Variants in SND1 observed in about 807,000 individuals in gnomAD.
The protein encoded by SND1 is staphylococcal nuclease and tudor domain containing 1.
In SND1, 38 loss-of-function variants were observed where a neutral mutation model predicts 121.7. The ratio of observed to expected loss-of-function variants is 0.31; its 90% confidence interval spans 0.24 to 0.41. The LOEUF (loss-of-function observed/expected upper bound fraction) is 0.41. Ranked by LOEUF, SND1 falls within the 10% of genes least tolerant of loss-of-function variation. The pLI is 1.00. For synonymous variants in SND1, 401 were observed against 447.4 expected, an observed-to-expected ratio of 0.90 and a Z score of 1.31; for missense variants, 868 against 1,184.6, an observed-to-expected ratio of 0.73 and a Z score of 3.92.
intron 1 of SND1, among the ~76,000 whole-genome samples, chr7:127,676,347 C>T (rs1795615931): frequency 1.3e-5 from 2 of 152,102 alleles, no homozygotes; most frequent in Non-Finnish European, 1.5e-5. Context: ...AGTCAAGGAT[C>T]TTATGTAATA....
At chr7:128,090,300 C>T (rs939767475) in intron 22 of SND1, among the ~76,000 whole-genome samples, 2 of 152,216 alleles carry the variant, frequency 1.3e-5, no homozygotes, top group Non-Finnish European at 2.9e-5. Flanking sequence ...TGCGCTCGTA[C>T]CTGAGAAACA....
intron 10 of SND1, among the ~76,000 whole-genome samples, chr7:127,781,986 T>G (rs1046816121): frequency 4.6e-5 from 7 of 152,202 alleles, no homozygotes; most frequent in Non-Finnish European, 1.0e-4. Context: ...TTCGCTTGGG[T>G]TATATACAAT....
At chr7:127,672,158 C>G (rs577010592) in intron 1 of SND1, among the ~76,000 whole-genome samples, 1 of 151,982 alleles carries the variant, frequency 6.6e-6, no homozygotes, top group South Asian at 2.1e-4. Context: ...GAGGATCTTC[C>G]GTATTTTTTT....
chr7:127,714,430 G>A (rs550242870), intron 9 of SND1, among the ~76,000 whole-genome samples: 1 of 152,276 alleles, frequency 6.6e-6, no homozygotes, highest in East Asian at 1.9e-4. Flanking sequence ...CATAGCTCTA[G>A]ATGGAGTTCA....
intron 11 of SND1, among the ~76,000 whole-genome samples, chr7:127,810,141 C>G (rs1798307922): frequency 6.6e-6 from 1 of 152,174 alleles, no homozygotes; most frequent in Non-Finnish European, 1.5e-5. Context: ...AGAAGTGCAT[C>G]AGCGTGCGAC....
intron 14 of SND1, among the ~76,000 whole-genome samples, chr7:127,913,154 G>A (rs1800494314): frequency 6.6e-6 from 1 of 152,202 alleles, no homozygotes; most frequent in African/African-American, 2.4e-5. Context: ...GTGGAGCACT[G>A]TTAAGAGACA....
At chr7:127,696,391 C>T (rs573724848) in intron 3 of SND1, among the ~76,000 whole-genome samples, 96 of 152,176 alleles carry the variant, frequency 6.3e-4, no homozygotes, top group African/African-American at 2.2e-3. Context: ...CCTAAGGCCT[C>T]TTTTCAAAAA....
chr7:127,705,536 C>A (rs1796172960), intron 8 of SND1, among the ~76,000 whole-genome samples: 1 of 151,978 alleles, frequency 6.6e-6, no homozygotes, highest in African/African-American at 2.4e-5. Flanking sequence ...TGTAGAAATT[C>A]CAAATATTAG....
At chr7:127,747,108 G>A (rs1425167038) in intron 10 of SND1, among the ~76,000 whole-genome samples, 1 of 152,202 alleles carries the variant, frequency 6.6e-6, no homozygotes, top group Admixed American at 6.5e-5. Flanking sequence ...TGTTGCTTGG[G>A]TGGAAGAGTT....
At chr7:127,939,679 C>A (rs1439921689) in intron 15 of SND1, among the ~76,000 whole-genome samples, 2 of 152,080 alleles carry the variant, frequency 1.3e-5, no homozygotes, top group Non-Finnish European at 2.9e-5. Context: ...GTGGTGTCAT[C>A]GCCTTCTATG....
chr7:127,833,138 T>C (rs1038240637), intron 11 of SND1, among the ~76,000 whole-genome samples: 2 of 152,140 alleles, frequency 1.3e-5, no homozygotes, highest in African/African-American at 4.8e-5. Context: ...AAAGGTAGAC[T>C]ATTTTATCTT....
At chr7:127,766,771 CAAAAAAAAAAAAAAAAAA>C (rs59243807) in intron 10 of SND1, among the ~76,000 whole-genome samples, 5 of 33,202 alleles carry the variant, frequency 1.5e-4, no homozygotes, top group African/African-American at 8.8e-5. Context: ...GACTTTGTCT[CAAAAAAAAAAAAAAAAAA>C]AAAAAAAAAA....
At chr7:127,695,622 AAGAGTTCG>A (rs1795992093) in intron 3 of SND1, among the ~76,000 whole-genome samples, 1 of 152,144 alleles carries the variant, frequency 6.6e-6, no homozygotes, top group Non-Finnish European at 1.5e-5. Flanking sequence ...TCTTAAGCAC[AAGAGTTCG>A]AGACCAGCCT....
intron 12 of SND1, among the ~76,000 whole-genome samples, chr7:127,855,819 C>T (rs1289756281): frequency 6.6e-6 from 1 of 152,194 alleles, no homozygotes; most frequent in Non-Finnish European, 1.5e-5. Context: ...CTTCATCACA[C>T]TCCCTGTGGC....
intron 10 of SND1, among the ~76,000 whole-genome samples, chr7:127,794,662 T>G (rs888565796): frequency 2.0e-5 from 3 of 152,200 alleles, no homozygotes; most frequent in African/African-American, 7.2e-5. Flanking sequence ...TTTCCCCTCT[T>G]CTGTAACTGT....
At position 127,703,073 on chromosome 7, in the gene SND1, C is replaced by A. The variant is rs900193320; in HGVS notation, c.682-92C>A. On this transcript the variant is annotated intron_variant, in intron 6 of 23. Coordinates refer to ENST00000354725, the MANE Select transcript of SND1 (RefSeq NM_014390.4). ...GACCTTCCTGAGTTTAGCTTCGTGGCATGTGTGTTTTTTGGAAGGCTTAGT... is the reference window on the plus strand; with the variant it reads ...GACCTTCCTGAGTTTAGCTTCGTGGAATGTGTGTTTTTTGGAAGGCTTAGT... The A allele has an allele frequency of 2.9e-6, 4 of 1,388,548 alleles. No individual in the cohort carries two copies. The Admixed American group carries it at 5.3e-5, about 18-fold the overall frequency. 86.0% of individuals were successfully genotyped at this position (1,388,548 alleles called of 1,614,324 possible).
intron 17 of SND1, among the ~76,000 whole-genome samples, chr7:128,074,996 T>C (rs1353251312): frequency 6.6e-6 from 1 of 152,232 alleles, no homozygotes; most frequent in East Asian, 1.9e-4. Flanking sequence ...TGTGGAGCCA[T>C]GGGACAAAAT....
chr7:127,928,429 A>T (rs150813604), intron 14 of SND1, among the ~76,000 whole-genome samples: 4 of 151,842 alleles, frequency 2.6e-5, no homozygotes, highest in African/African-American at 9.7e-5. Context: ...TGAATCTTAC[A>T]TAACCTATTT....
intron 16 of SND1, among the ~76,000 whole-genome samples, chr7:128,059,026 A>G (rs1487322259): frequency 6.6e-6 from 1 of 151,688 alleles, no homozygotes; most frequent in East Asian, 1.9e-4. Context: ...GTCTACTTGC[A>G]CCTCCACTGA....
Sources: gnomAD v4.1 joint callset for allele counts (sites outside exome capture counted in the v4.1 genomes callset) on GRCh38, gnomAD v4.1.1 for gene constraint, MANE v1.5 for transcripts, NCBI Gene and HGNC (gene_info 2026-07-23, HGNC 2026-07-21) for gene names.